NPL: variants seen among roughly 807,000 people sequenced by gnomAD.
NPL encodes the protein N-acetylneuraminate lyase.
Under a neutral mutation model 41.1 loss-of-function variants are expected in NPL, and 32 were observed. The observed-to-expected ratio is 0.78, with a 90% CI of 0.59 to 1.05. The LOEUF (loss-of-function observed/expected upper bound fraction) is 1.05. Among genes scored for constraint, NPL ranks in the 50% least tolerant of loss-of-function variants. The pLI is 0.00. For missense variants in NPL, 321 were observed against 378.4 expected, an observed-to-expected ratio of 0.85 and a Z score of 1.26; for synonymous variants, 128 against 134.9, an observed-to-expected ratio of 0.95 and a Z score of 0.35.
intron 3 of NPL, among the ~76,000 whole-genome samples, chr1:182,799,837 T>C (rs1013087790): frequency 6.6e-6 from 1 of 150,382 alleles, no homozygotes; most frequent in African/African-American, 2.5e-5. Flanking sequence ...GGTTTAAATA[T>C]AAAAATGACT....
At chr1:182,809,886 T>G (rs1227246661) in intron 5 of NPL, 1 of 152,064 alleles carries the variant, frequency 6.6e-6, no homozygotes, top group Non-Finnish European at 1.5e-5. Context: ...GAAGAGCAAA[T>G]GGATGATTGG....
rs144903725 is a variant in NPL at position 182,827,525 on chromosome 1, T to C, written c.779-1199T>C. On this transcript the variant is annotated intron_variant, in intron 12 of 12. Coordinates refer to ENST00000367553, the MANE Select transcript of NPL (RefSeq NM_030769.3). ...AAAAAACATTTAACATATCTTTCTA[T>C]GCTGTATTCTGGATTATTTCCTTAG... Among the ~76,000 whole-genome samples the C allele has an allele frequency of 3.3e-4, 51 of 152,372 alleles. No homozygotes were observed. In the East Asian group the frequency reaches 9.1e-3, roughly 27 times the overall value.
intron 5 of NPL, chr1:182,809,170 T>C (rs1667106774): frequency 2.3e-6 from 1 of 429,414 alleles, no homozygotes; most frequent in Non-Finnish European, 4.6e-6. Flanking sequence ...AATGATGCTT[T>C]CACCCCATTT....
At chr1:182,805,388 G>A (rs1274744092) in intron 4 of NPL, among the ~76,000 whole-genome samples, 1 of 152,146 alleles carries the variant, frequency 6.6e-6, no homozygotes, top group Admixed American at 6.6e-5. Context: ...CCAAGATGGC[G>A]CCACTGCCCT....
At chr1:182,790,490 A>C (rs1259479969) in intron 1 of NPL, among the ~76,000 whole-genome samples, 1 of 152,230 alleles carries the variant, frequency 6.6e-6, no homozygotes, top group Non-Finnish European at 1.5e-5. Context: ...AACATTCCCA[A>C]GTTTATCTAA....
At chr1:182,814,761 G>A in intron 6 of NPL, 22 bp from the exon 7 acceptor site, 1 of 1,602,210 alleles carries the variant, frequency 6.2e-7, no homozygotes, top group South Asian at 1.1e-5. Flanking sequence ...GCTCCAATAT[G>A]GTCTTCTTTC....
At chr1:182,799,729 C>T (rs1666777786) in intron 3 of NPL, among the ~76,000 whole-genome samples, 1 of 118,460 alleles carries the variant, frequency 8.4e-6, no homozygotes, top group Non-Finnish European at 1.7e-5. Context: ...AAGACCCTGT[C>T]TCCAAAAAAA....
At position 182,830,364 on chromosome 1, in the gene NPL, A is replaced by G. The variant is rs1227503984; in HGVS notation, c.*1456A>G. The G allele has an allele frequency of 6.6e-6, 1 of 152,250 alleles. No individual in the cohort carries two copies. The highest frequency in any genetic ancestry group is 1.5e-5 in the Non-Finnish European group (1 of 68,050). 9.4% of individuals were successfully genotyped at this position (152,250 alleles called of 1,614,324 possible). On this transcript the variant is annotated 3_prime_UTR_variant, in exon 13 of 13. Coordinates refer to ENST00000367553, the MANE Select transcript of NPL (RefSeq NM_030769.3). ...TAAAATTAATTCTTGGGTATCCAAT[A>G]AACAAAGAACTATTTTTCTATTTTT...
At position 182,829,102 on chromosome 1, in the gene NPL, AAC is replaced by A. The variant is rs1667704682; in HGVS notation, c.*195_*196del. The A allele has an allele frequency of 1.4e-6, 2 of 1,407,462 alleles. No individual in the cohort carries two copies. Among genetic ancestry groups the A allele is most frequent in the Non-Finnish European group, 1.8e-6 (2 of 1,086,618 alleles). 87.2% of individuals were successfully genotyped at this position (1,407,462 alleles called of 1,614,324 possible). Reference sequence around the variant, plus strand: ...AAGGGGCAAAAACTCTAGGAGTCACAACTCTCAGTCATTCATTTCACAGATTT... The same window carrying A: ...AAGGGGCAAAAACTCTAGGAGTCACATCTCAGTCATTCATTTCACAGATTT... On this transcript the variant is annotated 3_prime_UTR_variant, in exon 13 of 13. Coordinates refer to ENST00000367553, the MANE Select transcript of NPL (RefSeq NM_030769.3).
At chr1:182,823,992 G>T (rs1667560882) in intron 11 of NPL, among the ~76,000 whole-genome samples, 1 of 152,216 alleles carries the variant, frequency 6.6e-6, no homozygotes, top group South Asian at 2.1e-4. Flanking sequence ...AGTAAAGGTG[G>T]TTTCTGCTCT....
Position 182,829,188 on chromosome 1 carries a change from T to C in NPL, c.*280T>C. The C allele has an allele frequency of 7.7e-7, 1 of 1,297,848 alleles. No individual in the cohort carries two copies. The highest frequency in any genetic ancestry group is 9.8e-7 in the Non-Finnish European group (1 of 1,022,256). The allele number at this position is 1,297,848 out of a possible 1,614,324, so 80.4% of individuals were successfully genotyped here. ...ATGGAATCAAGAGGAAAATTGTAAT[T>C]GATTAATTCCATCTGTCTTTAGGAG... On this transcript the variant is annotated 3_prime_UTR_variant, in exon 13 of 13. Transcript: ENST00000367553.
intron 5 of NPL, among the ~76,000 whole-genome samples, chr1:182,810,268 C>T (rs1285617983): frequency 2.0e-5 from 3 of 152,202 alleles, no homozygotes; most frequent in Non-Finnish European, 4.4e-5. Context: ...CAGATGGGAA[C>T]ATGGTATACC....
At chr1:182,810,260 G>A (rs1667138097) in intron 5 of NPL, among the ~76,000 whole-genome samples, 1 of 152,180 alleles carries the variant, frequency 6.6e-6, no homozygotes, top group Non-Finnish European at 1.5e-5. Flanking sequence ...TCTCTCCCCA[G>A]ATGGGAACAT....
intron 12 of NPL, 123 bp downstream of exon 12, chr1:182,825,943 G>A: frequency 2.4e-6 from 2 of 833,742 alleles, no homozygotes; most frequent in East Asian, 4.8e-5. Flanking sequence ...GCAGAGTTCT[G>A]TTTCCCTTAT....
At chr1:182,798,119 G>A (rs758844062) in intron 3 of NPL, among the ~76,000 whole-genome samples, 13 of 152,250 alleles carry the variant, frequency 8.5e-5, no homozygotes, top group Admixed American at 4.6e-4. Context: ...TTGAAGAAAC[G>A]GAGATCCTAA....
At chr1:182,796,629 G>A (rs1279443484) in intron 3 of NPL, among the ~76,000 whole-genome samples, 1 of 152,144 alleles carries the variant, frequency 6.6e-6, no homozygotes, top group African/African-American at 2.4e-5. Context: ...CTGGAGTAGG[G>A]TAGCTGGCAG....
chr1:182,810,053 G>T (rs1667131831), intron 5 of NPL: 1 of 152,162 alleles, frequency 6.6e-6, no homozygotes. Context: ...TTCTCAGCTA[G>T]GTCCTGTTTT....
rs777069833 is a variant in NPL, at chr1:182,816,751, C to T, written c.402C>T (p.Ala134=). 1.2e-5 allele frequency: 19 copies of T among 1,612,764 alleles called. No homozygotes were observed. Among genetic ancestry groups the T allele is most frequent in the African/African-American group, 5.3e-5 (4 of 74,920 alleles). Residue 134 remains alanine (A), a synonymous_variant, in exon 8 of 13, where the codon GCC becomes GCT. Transcript: ENST00000367553. ...ATTTCCTAAAGGAAGTGGCTGCTGC[C>T]GCCCCTGCCCTGCCATTTTATTACT... is the stretch of plus-strand genomic sequence containing the variant. ...LINFLKEVAA[A]APALPFYYYH...
intron 1 of NPL, among the ~76,000 whole-genome samples, chr1:182,790,121 C>G (rs1571414597): frequency 6.6e-6 from 1 of 152,174 alleles, no homozygotes; most frequent in Non-Finnish European, 1.5e-5. Context: ...TAAAGTTAAA[C>G]CTGATACATC....
Sources: gnomAD v4.1 joint callset for allele counts (sites outside exome capture counted in the v4.1 genomes callset) on GRCh38, gnomAD v4.1.1 for gene constraint, MANE v1.5 for transcripts, NCBI Gene and HGNC (gene_info 2026-07-23, HGNC 2026-07-21) for gene names.